The following FHIT variants were observed in gnomAD, a reference collection of about 807,000 sequenced individuals.
FHIT encodes bis(5'-adenosyl)-triphosphatase.
Under a neutral mutation model 17.9 loss-of-function variants are expected in FHIT, and 19 were observed. The observed-to-expected ratio is 1.06, with a 90% confidence interval of 0.74 to 1.56. The LOEUF (loss-of-function observed/expected upper bound fraction) is 1.56. Among genes scored for constraint, FHIT ranks in the 40% most tolerant of loss-of-function variants. The probability of loss-of-function intolerance (pLI) is 0.00; values close to 1 mark genes in which losing one functional copy is unlikely to be tolerated. For missense variants in FHIT, 248 were observed against 189.2 expected, an observed-to-expected ratio of 1.31 and a Z score of -1.82; for synonymous variants, 81 against 69.7, an observed-to-expected ratio of 1.16 and a Z score of -0.81.
At chr3:60,239,492 G>A (rs1705012967) in intron 5 of FHIT, among the ~76,000 whole-genome samples, 1 of 152,100 alleles carries the variant, frequency 6.6e-6, no homozygotes, top group Non-Finnish European at 1.5e-5. Flanking sequence ...TTATGCCCAG[G>A]AGCTCAAGGC....
At chr3:60,762,296 G>A (rs1252631197) in intron 4 of FHIT, among the ~76,000 whole-genome samples, 1 of 152,064 alleles carries the variant, frequency 6.6e-6, no homozygotes, top group Non-Finnish European at 1.5e-5. Context: ...GATATCGGTT[G>A]ATCAATAAGA....
At chr3:60,423,809 A>G (rs1426922499) in intron 5 of FHIT, among the ~76,000 whole-genome samples, 5 of 152,150 alleles carry the variant, frequency 3.3e-5, no homozygotes, top group Admixed American at 6.5e-5. Context: ...GAGGAAATAC[A>G]GTGCCCCTAG....
At chr3:61,234,502 C>A (rs1332561715) in intron 1 of FHIT, among the ~76,000 whole-genome samples, 1 of 152,028 alleles carries the variant, frequency 6.6e-6, no homozygotes. Flanking sequence ...AAAGTATTAT[C>A]CAAATTTAGA....
At chr3:60,572,561 C>G (rs759802987) in intron 4 of FHIT, among the ~76,000 whole-genome samples, 1 of 152,156 alleles carries the variant, frequency 6.6e-6, no homozygotes, top group South Asian at 2.1e-4. Context: ...CACACACACA[C>G]TCTATCTACA....
At chr3:60,893,555 A>G (rs1705626361) in intron 3 of FHIT, among the ~76,000 whole-genome samples, 1 of 152,198 alleles carries the variant, frequency 6.6e-6, no homozygotes, top group Admixed American at 6.5e-5. Context: ...ATGCCAAGAA[A>G]GCCATACTCT....
chr3:61,231,947 G>A (rs1175974530), intron 1 of FHIT, among the ~76,000 whole-genome samples: 1 of 152,150 alleles, frequency 6.6e-6, no homozygotes, highest in African/African-American at 2.4e-5. Context: ...ATGAAAATAT[G>A]TGCTTGGGTT....
At chr3:60,255,497 C>T (rs1312428490) in intron 5 of FHIT, among the ~76,000 whole-genome samples, 2 of 152,082 alleles carry the variant, frequency 1.3e-5, no homozygotes, top group East Asian at 3.9e-4. Context: ...AGAGCAAGCA[C>T]CACCCGGGGC....
intron 3 of FHIT, among the ~76,000 whole-genome samples, chr3:60,925,710 A>G (rs1309238855): frequency 4.6e-5 from 7 of 152,152 alleles, no homozygotes; most frequent in Non-Finnish European, 8.8e-5. Flanking sequence ...ACACATAACA[A>G]TATTAACCTT....
intron 4 of FHIT, among the ~76,000 whole-genome samples, chr3:60,767,329 G>A (rs1423678497): frequency 6.6e-6 from 1 of 152,188 alleles, no homozygotes. Context: ...ACCATGCACA[G>A]AGTGTTTCTA....
At chr3:60,920,495 T>C (rs1343959751) in intron 3 of FHIT, among the ~76,000 whole-genome samples, 1 of 151,976 alleles carries the variant, frequency 6.6e-6, no homozygotes, top group Non-Finnish European at 1.5e-5. Flanking sequence ...TCAGTGGTAG[T>C]GGCAGGGAAT....
At chr3:59,867,683 C>T (rs1702716235) in intron 8 of FHIT, among the ~76,000 whole-genome samples, 2 of 152,014 alleles carry the variant, frequency 1.3e-5, no homozygotes, top group African/African-American at 4.8e-5. Context: ...GCCTTAGCCA[C>T]AGAAAACTAT....
chr3:59,857,704 G>A (rs199626644), intron 8 of FHIT, among the ~76,000 whole-genome samples: 5 of 65,260 alleles, frequency 7.7e-5, no homozygotes, highest in Non-Finnish European at 1.1e-4. Flanking sequence ...CAAAGTGCTG[G>A]GTTTTTTTTT....
At chr3:59,960,680 ATTC>A (rs1707631112) in intron 7 of FHIT, among the ~76,000 whole-genome samples, 1 of 152,218 alleles carries the variant, frequency 6.6e-6, no homozygotes, top group Non-Finnish European at 1.5e-5. Flanking sequence ...CAATCACTAT[ATTC>A]TTCTAATACA....
At chr3:60,447,389 T>A (rs899624279) in intron 5 of FHIT, among the ~76,000 whole-genome samples, 12 of 152,132 alleles carry the variant, frequency 7.9e-5, no homozygotes, top group South Asian at 6.2e-4. Flanking sequence ...TTAAACTTAA[T>A]CCATATGTTA....
chr3:59,943,759 G>C (rs1247253454), intron 7 of FHIT, among the ~76,000 whole-genome samples: 1 of 152,158 alleles, frequency 6.6e-6, no homozygotes, highest in Non-Finnish European at 1.5e-5. Flanking sequence ...ATCCTGGCTT[G>C]ACAGAACTTA....
At position 59,816,537 on chromosome 3, in the gene FHIT, A is replaced by G. The variant is rs1247404469; in HGVS notation, c.349-64216T>C. Among the ~76,000 whole-genome samples the G allele has an allele frequency of 2.6e-5, 4 of 152,114 alleles. No individual in the cohort carries two copies. In the South Asian group the frequency reaches 6.2e-4, roughly 24 times the overall value. On this transcript the variant is annotated intron_variant, in intron 8 of 9. Transcript: ENST00000492590. Reference sequence around the variant, plus strand: ...TGCTTACCTGTCATTACTAGTGGGAATGAGAGCCATCTGGGATGACCTAAG... The same window carrying G: ...TGCTTACCTGTCATTACTAGTGGGAGTGAGAGCCATCTGGGATGACCTAAG...
chr3:60,166,061 T>C (rs948329911), intron 5 of FHIT, among the ~76,000 whole-genome samples: 2 of 152,180 alleles, frequency 1.3e-5, no homozygotes, highest in African/African-American at 4.8e-5. Context: ...GAAAGGCTCC[T>C]GTAATATTGT....
chr3:60,427,293 T>C (rs1182426531), intron 5 of FHIT, among the ~76,000 whole-genome samples: 1 of 151,980 alleles, frequency 6.6e-6, no homozygotes, highest in Non-Finnish European at 1.5e-5. Flanking sequence ...GGTGCCCCAG[T>C]CCTACAATCA....
intron 5 of FHIT, among the ~76,000 whole-genome samples, chr3:60,355,604 G>T (rs1001428728): frequency 5.3e-5 from 8 of 152,054 alleles, no homozygotes; most frequent in Admixed American, 2.6e-4. Context: ...TGAAGTCAAA[G>T]TGAAATAGAT....
Sources: allele counts gnomAD v4.1 joint callset (sites outside exome capture counted in the v4.1 genomes callset), GRCh38; gene constraint gnomAD v4.1.1; transcripts MANE v1.5; gene names NCBI Gene and HGNC (gene_info 2026-07-23, HGNC 2026-07-21).